The following SZT2 variants were observed in gnomAD, a reference collection of about 807,000 sequenced individuals.
The protein encoded by SZT2 is KICSTOR complex protein SZT2.
SZT2 carries 216 observed loss-of-function variants against 404.2 expected under a neutral mutation model. The ratio of observed to expected loss-of-function variants is 0.53; its 90% CI spans 0.48 to 0.60. The LOEUF (loss-of-function observed/expected upper bound fraction) is 0.60, where lower values mean the gene tolerates loss of function less well. Ranked by LOEUF, SZT2 falls within the 20% of genes least tolerant of loss-of-function variation. The pLI is 0.00. For synonymous variants in SZT2, 1,693 were observed against 1,749.9 expected, an observed-to-expected ratio of 0.97 and a Z score of 0.81; for missense variants, 3,857 against 4,459.2, an observed-to-expected ratio of 0.86 and a Z score of 3.85.
chr1:43,404,017 C>G (rs1277748965), intron 3 of SZT2: 1 of 549,902 alleles, frequency 1.8e-6, no homozygotes, highest in African/African-American at 1.9e-5. Context: ...CGAGACTAGC[C>G]TGGGCCACAT....
In SZT2 at chr1:43,450,999, G is replaced by A. The variant is rs1417889598; in HGVS notation, c.*519G>A. ...CCACCGTCAAGTCCCTTTGCTCTCGGACCCTGGGTTTCTCATCCTTTAATG... is the reference window on the plus strand; with the variant it reads ...CCACCGTCAAGTCCCTTTGCTCTCGAACCCTGGGTTTCTCATCCTTTAATG... On this transcript the variant is annotated 3_prime_UTR_variant, in exon 72 of 72. Coordinates refer to ENST00000634258, the MANE Select transcript of SZT2 (RefSeq NM_001365999.1). The surrounding 1 kb of genome is among the most constrained non-coding windows in gnomAD (Gnocchi z 4.3). 1.3e-6 allele frequency: 1 copy of A among 766,806 alleles called. No individual in the cohort carries two copies. The highest frequency in any genetic ancestry group is 1.7e-5 in the Admixed American group (1 of 59,020). The allele number at this position is 766,806 out of a possible 1,614,324, so 47.5% of individuals were successfully genotyped here.
At chr1:43,445,185 G>A (rs1160821042) in intron 62 of SZT2, 1 of 151,976 alleles carries the variant, frequency 6.6e-6, no homozygotes, top group Non-Finnish European at 1.5e-5. Context: ...TAGACACTGG[G>A]TTAAAAAAAA....
chr1:43,453,442 G>T lies in SZT2; in HGVS notation c.*2962G>T. 6.4e-7 allele frequency: 1 copy of T among 1,564,294 alleles called. No homozygotes were observed. The highest frequency in any genetic ancestry group is 8.7e-7 in the Non-Finnish European group (1 of 1,153,334). The stretch of plus-strand genomic sequence containing the variant: ...CGGCCTGCTCCAGTCCCTCTCGGAA[G>T]GCCGCCTGTCTCCCGGGGACGGCCC... On this transcript the variant is annotated 3_prime_UTR_variant, in exon 72 of 72. Coordinates refer to ENST00000634258, the MANE Select transcript of SZT2 (RefSeq NM_001365999.1).
chr1:43,443,456 C>G lies in SZT2; in HGVS notation c.8604C>G (p.Thr2868=), dbSNP rs1655306457. ...PAAWLHGPPE[T]SGPPDGQRRH... is the part of the protein sequence containing the mutation. ...CCTGGCTGCATGGGCCCCCAGAGAC[C>G]TCTGGACCCCCTGACGGGCAGGTAA... Residue 2868 remains threonine (T), a synonymous_variant, in exon 61 of 72, where the codon ACC becomes ACG. Coordinates refer to ENST00000634258, the MANE Select transcript of SZT2 (RefSeq NM_001365999.1). The G allele has an allele frequency of 6.2e-7, 1 of 1,614,212 alleles. No homozygotes were observed. Among genetic ancestry groups the G allele is most frequent in the African/African-American group, 1.3e-5 (1 of 75,058 alleles).
chr1:43,452,684 C>A lies in SZT2; in HGVS notation c.*2204C>A. 1.6e-6 allele frequency: 1 copy of A among 606,546 alleles called. No individual in the cohort carries two copies. The highest frequency in any genetic ancestry group is 2.9e-6 in the Non-Finnish European group (1 of 340,816). The allele number at this position is 606,546 out of a possible 1,614,324, so 37.6% of individuals were successfully genotyped here. ...CTGCTGTCTCTACTTCCTCTCCTCG[C>A]ATCTACTTAGCCTTTTCCCATCTGT... is the stretch of plus-strand genomic sequence containing the variant. On this transcript the variant is annotated 3_prime_UTR_variant, in exon 72 of 72. Coordinates refer to ENST00000634258, the MANE Select transcript of SZT2 (RefSeq NM_001365999.1).
chr1:43,441,897 G>A lies in SZT2; in HGVS notation c.7742+79G>A. 1 of 1,597,954 alleles carries A rather than the reference G, an allele frequency of 6.3e-7. No individual in the cohort carries two copies. The highest frequency in any genetic ancestry group is 8.6e-7 in the Non-Finnish European group (1 of 1,168,834). ...TGGGCCTACAGGAAGCCAAACCTGAGGAAGCTGAGCTAGGAGAGGTGGAAA... is the reference window on the plus strand; with the variant it reads ...TGGGCCTACAGGAAGCCAAACCTGAAGAAGCTGAGCTAGGAGAGGTGGAAA... On this transcript the variant is annotated intron_variant, in intron 55 of 71. Transcript: ENST00000634258. The surrounding 1 kb of genome is among the most constrained non-coding windows in gnomAD (Gnocchi z 4.8).
At position 43,453,250 on chromosome 1, in the gene SZT2, A is replaced by G; in HGVS notation, c.*2770A>G. 1 of 662,108 alleles carries G rather than the reference A, an allele frequency of 1.5e-6. No individual in the cohort carries two copies. Among genetic ancestry groups the G allele is most frequent in the Non-Finnish European group, 2.6e-6 (1 of 385,270 alleles). The allele number at this position is 662,108 out of a possible 1,614,324, so 41.0% of individuals were successfully genotyped here. A position where few individuals can be genotyped will look rare whatever the true frequency, so the allele number is the denominator to read the frequency against. ...GATAAAATACAAAAGGCAATTTACA[A>G]AGGACCAGGACCGCAGAGGCAGAGA... On this transcript the variant is annotated 3_prime_UTR_variant, in exon 72 of 72. Coordinates refer to ENST00000634258, the MANE Select transcript of SZT2 (RefSeq NM_001365999.1).
At position 43,441,263 on chromosome 1, in the gene SZT2, T is replaced by C; in HGVS notation, c.7394T>C (p.Ile2465Thr). 1.2e-6 allele frequency: 2 copies of C among 1,614,250 alleles called. No individual in the cohort carries two copies. Among genetic ancestry groups the C allele is most frequent in the Non-Finnish European group, 1.7e-6 (2 of 1,180,044 alleles). The change falls in exon 53 of 72, where the codon ATT (isoleucine) becomes ACT (threonine). Residue 2465 changes from isoleucine to threonine, a missense_variant. By Grantham distance (89) the Ile-to-Thr change is moderately conservative. Transcript: ENST00000634258. The surrounding 1 kb of genome is among the most constrained non-coding windows in gnomAD (Gnocchi z 4.8). ...GGTTCCCCCAAAACAACTGATGACA[T>C]TGTCCTGGATCGGCCAGAAGACACT... ...DLGSPKTTDDIVLDRPEDTRG... is the reference protein window; with the variant it reads ...DLGSPKTTDDTVLDRPEDTRG...
rs182225944 is a variant in SZT2 at position 43,443,275 on chromosome 1, A to C, written c.8499+8A>C. On this transcript the variant is annotated splice_region_variant and intron_variant, in intron 60 of 71. Coordinates refer to ENST00000634258, the MANE Select transcript of SZT2 (RefSeq NM_001365999.1). ...GCCACCATGCCCATCAGTGTGAGTGACCCCAGCTTGCATCTTCCTTGAGTA... is the reference window on the plus strand; with the variant it reads ...GCCACCATGCCCATCAGTGTGAGTGCCCCCAGCTTGCATCTTCCTTGAGTA... 4.7e-4 allele frequency: 759 copies of C among 1,614,030 alleles called. 7 individuals carry two copies. In the African/African-American group the frequency reaches 9.3e-3, roughly 20 times the overall value.
At chr1:43,390,450 T>G (rs1360673824) in intron 1 of SZT2, among the ~76,000 whole-genome samples, 1 of 152,224 alleles carries the variant, frequency 6.6e-6, no homozygotes, top group East Asian at 1.9e-4. Flanking sequence ...AAAAAACATT[T>G]GAGTCGGACT....
Position 43,424,246 on chromosome 1 carries a change from C to G in SZT2, c.2285C>G (p.Ala762Gly). The G allele has an allele frequency of 6.3e-7, 1 of 1,597,824 alleles. No individual in the cohort carries two copies. The highest frequency in any genetic ancestry group is 8.5e-7 in the Non-Finnish European group (1 of 1,179,510). ...GAGAAGCTGCCCTTGGACTACCGGG[C>G]ACCCTTCTTGCTGACATTGGAGCCA... ...RYEKLPLDYR[A>G]PFLLTLEPPG... is the part of the protein sequence containing the mutation. Residue 762 changes from alanine to glycine, a missense_variant, in exon 16 of 72, where the codon GCA becomes GGA. Around this residue, in one of 7 missense-constraint regions of SZT2, gnomAD observed 1,725 missense variants for 1,881.0 expected, o/e 0.92. Coordinates refer to ENST00000634258, the MANE Select transcript of SZT2 (RefSeq NM_001365999.1). The surrounding 1 kb of genome is among the most constrained non-coding windows in gnomAD (Gnocchi z 4.1).
intron 52 of SZT2, 51 bp downstream of exon 52, chr1:43,440,637 G>C: frequency 1.3e-6 from 2 of 1,500,272 alleles, no homozygotes; most frequent in African/African-American, 1.4e-5. Context: ...CTGCCTCCTA[G>C]CTCCTCCCAC....
In SZT2 at chr1:43,431,256, C is replaced by A; in HGVS notation, c.4917-9C>A. On this transcript the variant is annotated splice_polypyrimidine_tract_variant and intron_variant, in intron 33 of 71. Transcript: ENST00000634258. ...CTCCTGACCTTTGACTTGTTCCCACCCTGTTCAGGTCAACATCTGAAAGCA... is the reference window on the plus strand; with the variant it reads ...CTCCTGACCTTTGACTTGTTCCCACACTGTTCAGGTCAACATCTGAAAGCA... 2 of 1,600,636 alleles carry A rather than the reference C, an allele frequency of 1.2e-6. No individual in the cohort carries two copies. Among genetic ancestry groups the A allele is most frequent in the Non-Finnish European group, 1.7e-6 (2 of 1,173,136 alleles).
Position 43,426,117 on chromosome 1 carries a change from G to T in SZT2, c.3009G>T (p.Gln1003His). The T allele has an allele frequency of 6.2e-7, 1 of 1,614,194 alleles. No homozygotes were observed. Among genetic ancestry groups the T allele is most frequent in the Non-Finnish European group, 8.5e-7 (1 of 1,180,038 alleles). ...TAATGGGATTGCTGCCACAGTGCCA[G>T]CAGCTCCAGATGTTCTTCCTCTTGC... ...FDLMGLLPQC[Q>H]QLQMFFLLLA... Residue 1003 changes from glutamine to histidine, a missense_variant, in exon 21 of 72, where the codon CAG becomes CAT. Around this residue, in one of 7 missense-constraint regions of SZT2, gnomAD observed 1,725 missense variants for 1,881.0 expected, o/e 0.92. Transcript: ENST00000634258. This position sits in a 1 kb window ranked among gnomAD's most constrained non-coding sequence, Gnocchi z 4.9.
rs1262584899 is a variant in SZT2 at position 43,448,851 on chromosome 1, A to G, written c.10086+123A>G. On this transcript the variant is annotated intron_variant, in intron 70 of 71. Coordinates refer to ENST00000634258, the MANE Select transcript of SZT2 (RefSeq NM_001365999.1). This position sits in a 1 kb window ranked among gnomAD's most constrained non-coding sequence, Gnocchi z 4.2. ...AGGGAGGCCTAGACAGAACGGGACT[A>G]CACAGATACATGTAAAACCCTTCCA... is the stretch of plus-strand genomic sequence containing the variant. 1.2e-6 allele frequency: 1 copy of G among 864,466 alleles called. No homozygotes were observed. Among genetic ancestry groups the G allele is most frequent in the East Asian group, 2.4e-5 (1 of 41,480 alleles). 53.5% of individuals were successfully genotyped at this position (864,466 alleles called of 1,614,324 possible).
In SZT2 at chr1:43,430,314, G is replaced by A. The variant is rs1421250796; in HGVS notation, c.4405G>A (p.Glu1469Lys). Residue 1469 changes from glutamate (E) to lysine (K), a missense_variant, in exon 31 of 72, where the codon GAG becomes AAG. By Grantham distance (56) the Glu-to-Lys change is moderately conservative. Around this residue, in one of 7 missense-constraint regions of SZT2, gnomAD observed 1,725 missense variants for 1,881.0 expected, o/e 0.92. Coordinates refer to ENST00000634258, the MANE Select transcript of SZT2 (RefSeq NM_001365999.1). The part of the protein sequence containing the change: ...YCPPSSRRED[E>K]GPRDTVDRKI... ...CTTGCTTCATTCTTTTGCCTAGGATGAGGGGCCTCGGGACACAGTAGACAG... is the reference window on the plus strand; with the variant it reads ...CTTGCTTCATTCTTTTGCCTAGGATAAGGGGCCTCGGGACACAGTAGACAG... The A allele has an allele frequency of 6.2e-7, 1 of 1,613,760 alleles. No homozygotes were observed. The highest frequency in any genetic ancestry group is 8.5e-7 in the Non-Finnish European group (1 of 1,179,966).
At chr1:43,407,762 C>T (rs1363254257) in intron 4 of SZT2, among the ~76,000 whole-genome samples, 3 of 151,472 alleles carry the variant, frequency 2.0e-5, no homozygotes, top group Admixed American at 6.6e-5. Flanking sequence ...TAATACAATA[C>T]CCAGAAACAA....
chr1:43,403,492 T>A (rs1474456428), intron 2 of SZT2, 109 bp from the exon 3 acceptor site: 1 of 1,421,932 alleles, frequency 7.0e-7, no homozygotes, highest in African/African-American at 1.4e-5. Flanking sequence ...TACGGTTAGA[T>A]TGAGGGAGGT....
Position 43,442,847 on chromosome 1 carries a change from T to C in SZT2, c.8180T>C (p.Met2727Thr). ...CCAAACCCATTCCTGCTGCCGACCA[T>C]GGAAGTGGAGACCCTCATCCGGAGT... is the stretch of plus-strand genomic sequence containing the variant. Reference protein sequence around the residue: ...KEPNPFLLPTMEVETLIRSAS... With the variant: ...KEPNPFLLPTTEVETLIRSAS... Residue 2727 changes from methionine to threonine, a missense_variant, in exon 59 of 72, where the codon ATG (methionine) becomes ACG (threonine). Around this residue, in one of 7 missense-constraint regions of SZT2, gnomAD observed 573 missense variants for 592.4 expected, o/e 0.97. Transcript: ENST00000634258. This position sits in a 1 kb window ranked among gnomAD's most constrained non-coding sequence, Gnocchi z 4.5. 5 of 1,610,742 alleles carry C rather than the reference T, an allele frequency of 3.1e-6. No homozygotes were observed. The highest frequency in any genetic ancestry group is 4.2e-6 in the Non-Finnish European group (5 of 1,178,120).
Sources: gnomAD v4.1 joint callset for allele counts (sites outside exome capture counted in the v4.1 genomes callset) on GRCh38, gnomAD v4.1.1 for gene constraint, gnomAD v4.1.1 regional missense constraint, Gnocchi (gnomAD v3.1) non-coding constraint, MANE v1.5 for transcripts, NCBI Gene and HGNC (gene_info 2026-07-23, HGNC 2026-07-21) for gene names.